RBM25: variants seen among roughly 807,000 people sequenced by gnomAD.
The protein encoded by RBM25 is RNA binding motif protein 25.
In RBM25, 19 loss-of-function variants were observed where a neutral mutation model predicts 120.7. The observed-to-expected ratio is 0.16, with a 90% CI of 0.11 to 0.23. The LOEUF is 0.23. Among genes scored for constraint, RBM25 ranks in the 10% least tolerant of loss-of-function variants. The pLI is 1.00. For synonymous variants in RBM25, 390 were observed against 326.7 expected, an observed-to-expected ratio of 1.19 and a Z score of -2.09; for missense variants, 605 against 1,041.5, an observed-to-expected ratio of 0.58 and a Z score of 5.77.
chr14:73,111,445 G>A, intron 15 of RBM25, 83 bp from the exon 16 acceptor site: 1 of 1,371,294 alleles, frequency 7.3e-7, no homozygotes, highest in Admixed American at 2.3e-5. Flanking sequence ...AGTATATTTT[G>A]CATTGCTTTT....
intron 6 of RBM25, among the ~76,000 whole-genome samples, chr14:73,094,843 CTG>C (rs755569413): frequency 2.4e-4 from 19 of 79,622 alleles, no homozygotes; most frequent in South Asian, 4.2e-4. Flanking sequence ...GTGTGTGTGT[CTG>C]TGTGTGTGTG....
intron 4 of RBM25, 42 bp from the exon 5 acceptor site, chr14:73,083,452 T>A (rs773040805): frequency 1.0e-5 from 15 of 1,438,664 alleles, no homozygotes; most frequent in Non-Finnish European, 1.4e-5. Flanking sequence ...AAAATTATTT[T>A]GTTAAATGGT....
intron 14 of RBM25, among the ~76,000 whole-genome samples, chr14:73,110,531 C>T (rs1270115920): frequency 1.3e-5 from 2 of 151,240 alleles, no homozygotes; most frequent in Admixed American, 6.6e-5. Context: ...CAGGTTCAAG[C>T]GATTCTCCTG....
At position 73,093,732 on chromosome 14, in the gene RBM25, C is replaced by G. The variant is rs184579839; in HGVS notation, c.544-3183C>G. Among the ~76,000 whole-genome samples, 433 of 152,008 alleles carry G rather than the reference C, an allele frequency of 2.8e-3. 3 individuals carry two copies. In the Middle Eastern group the frequency reaches 0.034, roughly 12 times the overall value. On this transcript the variant is annotated intron_variant, in intron 6 of 18. Transcript: ENST00000261973. Reference sequence around the variant, plus strand: ...ATGTTGGCTAGGCTGGTCTCAAACTCTGGACCTCAGGTGGTCCACCCGCCT... The same window carrying G: ...ATGTTGGCTAGGCTGGTCTCAAACTGTGGACCTCAGGTGGTCCACCCGCCT...
In RBM25 at chr14:73,114,077, A is replaced by AGTCAATTAAATTAGTCAATTT. The variant is rs542335970; in HGVS notation, c.2392-208_2392-207insTCAATTAAATTAGTCAATTTG. On this transcript the variant is annotated intron_variant, in intron 17 of 18. Coordinates refer to ENST00000261973, the MANE Select transcript of RBM25 (RefSeq NM_021239.3). ...CTTGTGTGAGATTTGACTTAAAATT[A>AGTCAATTAAATTAGTCAATTT]GACTACAGACCACTATGGAGATTAA... Among the ~76,000 whole-genome samples, 531 of 152,356 alleles carry AGTCAATTAAATTAGTCAATTT rather than the reference A, an allele frequency of 3.5e-3. 6 individuals carry two copies. The highest frequency in any genetic ancestry group is 0.012 in the African/African-American group (503 of 41,586).
At chr14:73,110,516 C>T (rs1409125029) in intron 14 of RBM25, among the ~76,000 whole-genome samples, 1 of 151,746 alleles carries the variant, frequency 6.6e-6, no homozygotes, top group Non-Finnish European at 1.5e-5. Flanking sequence ...GCAACCTCCA[C>T]CTCCCAGGTT....
chr14:73,106,899 C>A (rs1896202261), intron 12 of RBM25, among the ~76,000 whole-genome samples: 1 of 144,268 alleles, frequency 6.9e-6, no homozygotes, highest in Admixed American at 7.1e-5. Context: ...GGGGTGTGAT[C>A]TCGGCTCACT....
intron 14 of RBM25, among the ~76,000 whole-genome samples, chr14:73,110,183 C>CT (rs1896280023): frequency 1.3e-5 from 2 of 148,168 alleles, no homozygotes; most frequent in African/African-American, 5.1e-5. Flanking sequence ...CCGTGCCCGG[C>CT]CTTTTTTTTT....
intron 15 of RBM25, 55 bp downstream of exon 15, chr14:73,111,210 C>T: frequency 1.4e-6 from 2 of 1,397,494 alleles, no homozygotes; most frequent in Admixed American, 2.3e-5. Flanking sequence ...CTGCAAATAC[C>T]TGTATTGTGC....
chr14:73,066,407 C>T (rs573692286), intron 1 of RBM25, among the ~76,000 whole-genome samples: 1 of 152,030 alleles, frequency 6.6e-6, no homozygotes, highest in East Asian at 1.9e-4. Context: ...AGGCCGAGGC[C>T]GACGGATCAC....
chr14:73,123,097 T>C lies in RBM25; in HGVS notation c.*3292T>C, dbSNP rs761604751. On this transcript the variant is annotated 3_prime_UTR_variant, in exon 19 of 19. Transcript: ENST00000261973. ...GTAGATAACTTTATGTTGTAACTTA[T>C]TCTGAATCTTATTATGGCATTTCCC... 1.3e-5 allele frequency: 2 copies of C among 152,126 alleles called. No individual in the cohort carries two copies. The highest frequency in any genetic ancestry group is 2.9e-5 in the Non-Finnish European group (2 of 68,024). The allele number at this position is 152,126 out of a possible 1,614,324, so 9.4% of individuals were successfully genotyped here.
chr14:73,102,555 T>G (rs1896076791), intron 9 of RBM25: 1 of 152,272 alleles, frequency 6.6e-6, no homozygotes, highest in African/African-American at 2.4e-5. Flanking sequence ...CAGTTACATA[T>G]ATTTTGCTTG....
At chr14:73,115,596 C>T (rs190384589) in intron 18 of RBM25, among the ~76,000 whole-genome samples, 17 of 152,264 alleles carry the variant, frequency 1.1e-4, no homozygotes, top group Admixed American at 4.6e-4. Context: ...ATCAAATCCC[C>T]GTTGCATTTA....
intron 9 of RBM25, chr14:73,100,350 C>G: frequency 2.9e-6 from 2 of 681,462 alleles, no homozygotes; most frequent in South Asian, 3.1e-5. Context: ...TGGAAAGTAA[C>G]AAGGAATAGG....
At chr14:73,060,707 T>C (rs1894984437) in intron 1 of RBM25, among the ~76,000 whole-genome samples, 1 of 151,466 alleles carries the variant, frequency 6.6e-6, no homozygotes, top group South Asian at 2.1e-4. Flanking sequence ...CCCAGAATTA[T>C]TGGTATTGGC....
chr14:73,061,162 A>G (rs574288243), intron 1 of RBM25, among the ~76,000 whole-genome samples: 2 of 150,634 alleles, frequency 1.3e-5, no homozygotes, highest in Admixed American at 6.6e-5. Flanking sequence ...GGTTCAAGCA[A>G]TTCTCTTGCC....
chr14:73,106,917 TCTC>T (rs1256191217), intron 12 of RBM25, among the ~76,000 whole-genome samples: 7 of 150,398 alleles, frequency 4.7e-5, no homozygotes, highest in Non-Finnish European at 7.4e-5. Flanking sequence ...ACTGCAACCT[TCTC>T]CTCCCAGGTT....
In RBM25 at chr14:73,088,059, A is replaced by G; in HGVS notation, c.441A>G (p.Leu147=). 1 of 1,614,166 alleles carries G rather than the reference A, an allele frequency of 6.2e-7. No homozygotes were observed. The highest frequency in any genetic ancestry group is 8.5e-7 in the Non-Finnish European group (1 of 1,180,002). ...PESTLRALRL[L]HDLQIGEKKL... ...CTACCCTCCGTGCACTCAGATTATTACATGACCTGCAAATTGGAGAGAAAA... is the reference window on the plus strand; with the variant it reads ...CTACCCTCCGTGCACTCAGATTATTGCATGACCTGCAAATTGGAGAGAAAA... The change falls in exon 6 of 19, where the codon TTA becomes TTG. Residue 147 remains leucine (L), a synonymous_variant. Transcript: ENST00000261973.
intron 5 of RBM25, among the ~76,000 whole-genome samples, chr14:73,087,593 C>A (rs967350461): frequency 6.6e-6 from 1 of 151,816 alleles, no homozygotes; most frequent in Non-Finnish European, 1.5e-5. Context: ...GACGGGGTTT[C>A]ACTGTGTTGG....
Sources: allele counts gnomAD v4.1 joint callset (sites outside exome capture counted in the v4.1 genomes callset), GRCh38; gene constraint gnomAD v4.1.1; transcripts MANE v1.5; gene names NCBI Gene and HGNC (gene_info 2026-07-23, HGNC 2026-07-21).